Variants in PRKN observed in about 807,000 individuals in gnomAD.
The protein encoded by PRKN is parkin RBR E3 ubiquitin protein ligase, also known as E3 ubiquitin-protein ligase parkin.
PRKN carries 56 observed loss-of-function variants against 59.5 expected under a neutral mutation model. The observed-to-expected ratio is 0.94, with a 90% confidence interval of 0.76 to 1.18. The LOEUF is 1.18. PRKN is among the 50% of genes most tolerant of loss of function. The probability of loss-of-function intolerance (pLI) is 0.00; values close to 1 mark genes in which losing one functional copy is unlikely to be tolerated. For synonymous variants in PRKN, 250 were observed against 222.1 expected, an observed-to-expected ratio of 1.13 and a Z score of -1.12; for missense variants, 657 against 596.4, an observed-to-expected ratio of 1.10 and a Z score of -1.06.
intron 6 of PRKN, among the ~76,000 whole-genome samples, chr6:161,921,089 C>T (rs1437766667): frequency 6.6e-6 from 1 of 152,166 alleles, no homozygotes; most frequent in East Asian, 1.9e-4. Context: ...CATTGTACAG[C>T]CATATAAATA....
intron 2 of PRKN, among the ~76,000 whole-genome samples, chr6:162,393,690 A>T (rs1470034140): frequency 6.6e-6 from 1 of 152,224 alleles, no homozygotes; most frequent in Non-Finnish European, 1.5e-5. Context: ...TATTGTGGTA[A>T]GAGTAAATAA....
intron 6 of PRKN, among the ~76,000 whole-genome samples, chr6:161,879,760 C>T (rs565450768): frequency 1.9e-4 from 29 of 152,176 alleles, no homozygotes; most frequent in African/African-American, 6.5e-4. Flanking sequence ...TGAAACTTAT[C>T]GTTATAGAGT....
chr6:162,676,353 C>CAA lies in PRKN; in HGVS notation c.7+51307_7+51308dup, dbSNP rs113550545. ...TCCATACCCAATTTATTGGAAATATCAAAAAAAAAATAGCAGAGGTGAAAA... is the reference window on the plus strand; with the variant it reads ...TCCATACCCAATTTATTGGAAATATCAAAAAAAAAAAATAGCAGAGGTGAAAA... On this transcript the variant is annotated intron_variant, in intron 1 of 11. Coordinates refer to ENST00000366898, the MANE Select transcript of PRKN (RefSeq NM_004562.3). Among the ~76,000 whole-genome samples, 53 of 148,070 alleles carry CAA rather than the reference C, an allele frequency of 3.6e-4. No individual in the cohort carries two copies. The South Asian group carries it at 4.5e-3, about 12-fold the overall frequency.
At chr6:161,646,410 A>C in intron 7 of PRKN, among the ~76,000 whole-genome samples, 1 of 107,726 alleles carries the variant, frequency 9.3e-6, no homozygotes, top group African/African-American at 3.7e-5. Flanking sequence ...GAGGTGGCGT[A>C]TCAGTGACAG....
At chr6:162,228,275 T>C in intron 3 of PRKN, among the ~76,000 whole-genome samples, 1 of 152,158 alleles carries the variant, frequency 6.6e-6, no homozygotes, top group East Asian at 1.9e-4. Flanking sequence ...TCATAAGGGC[T>C]GTGGAATTGA....
intron 7 of PRKN, among the ~76,000 whole-genome samples, chr6:161,733,995 CACACACACACAT>C (rs1202733022): frequency 0.029 from 4,108 of 141,568 alleles, 198 homozygotes; most frequent in African/African-American, 0.11. Flanking sequence ...CACACACACA[CACACACACACAT>C]ATTTGCTAAT....
chr6:161,489,682 G>T (rs1264317894), intron 9 of PRKN, among the ~76,000 whole-genome samples: 14 of 151,818 alleles, frequency 9.2e-5, no homozygotes, highest in Admixed American at 9.2e-4. Flanking sequence ...TCTAATACAT[G>T]AATTATTTAT....
At chr6:162,135,909 T>C (rs1781544748) in intron 4 of PRKN, among the ~76,000 whole-genome samples, 1 of 152,070 alleles carries the variant, frequency 6.6e-6, no homozygotes, top group East Asian at 1.9e-4. Flanking sequence ...TATATTTACA[T>C]TCTACAAAAG....
chr6:161,738,127 T>A (rs1460736373), intron 7 of PRKN, among the ~76,000 whole-genome samples: 1 of 152,188 alleles, frequency 6.6e-6, no homozygotes, highest in Non-Finnish European at 1.5e-5. Flanking sequence ...GCAGATGATT[T>A]CCTCTTCTTT....
At chr6:162,430,406 C>T (rs2128162839) in intron 2 of PRKN, among the ~76,000 whole-genome samples, 1 of 152,272 alleles carries the variant, frequency 6.6e-6, no homozygotes, top group East Asian at 1.9e-4. Context: ...ACCCATGTGG[C>T]CCACCTCCTA....
chr6:161,709,011 G>A (rs1007131196), intron 7 of PRKN, among the ~76,000 whole-genome samples: 56 of 152,300 alleles, frequency 3.7e-4, no homozygotes, highest in African/African-American at 1.3e-3. Context: ...CACTTGAAAC[G>A]TGAATTTTAA....
chr6:162,151,073 A>G (rs2128313724), intron 4 of PRKN, among the ~76,000 whole-genome samples: 1 of 152,366 alleles, frequency 6.6e-6, no homozygotes, highest in Non-Finnish European at 1.5e-5. Context: ...CTAAATTAAG[A>G]AGAGAAAAAA....
rs142046836 is a variant in PRKN, at chr6:161,799,929, G to T, written c.735-14021C>A. On this transcript the variant is annotated intron_variant, in intron 6 of 11. Coordinates refer to ENST00000366898, the MANE Select transcript of PRKN (RefSeq NM_004562.3). ...GCATTTGTGAAGAATTAATCAGGGG[G>T]TTAGTGTTTTGGGGACACAGTTACC... Among the ~76,000 whole-genome samples the T allele has an allele frequency of 4.7e-3, 723 of 152,218 alleles. 4 individuals are homozygous for T. Among genetic ancestry groups the T allele is most frequent in the African/African-American group, 0.016 (669 of 41,518 alleles).
At chr6:161,882,500 C>T (rs1300829649) in intron 6 of PRKN, among the ~76,000 whole-genome samples, 1 of 152,144 alleles carries the variant, frequency 6.6e-6, no homozygotes, top group Non-Finnish European at 1.5e-5. Context: ...CATCCTCTGA[C>T]CATTCTAGTC....
At chr6:162,427,042 C>T (rs1272714776) in intron 2 of PRKN, among the ~76,000 whole-genome samples, 3 of 152,012 alleles carry the variant, frequency 2.0e-5, no homozygotes, top group Non-Finnish European at 2.9e-5. Flanking sequence ...AAAGTTTGGC[C>T]AAAGTATACT....
chr6:162,027,821 A>C (rs1368632205), intron 5 of PRKN, among the ~76,000 whole-genome samples: 1 of 151,840 alleles, frequency 6.6e-6, no homozygotes, highest in African/African-American at 2.4e-5. Context: ...ATGGTTGTGG[A>C]AAGTAGGGAG....
chr6:162,125,132 A>G (rs527851968), intron 4 of PRKN, among the ~76,000 whole-genome samples: 17 of 152,310 alleles, frequency 1.1e-4, no homozygotes, highest in Non-Finnish European at 2.1e-4. Flanking sequence ...TTCTGATTTA[A>G]TAAGAATGAC....
intron 6 of PRKN, among the ~76,000 whole-genome samples, chr6:161,874,755 A>ATAT (rs1794616745): frequency 8.9e-6 from 1 of 112,188 alleles, no homozygotes; most frequent in African/African-American, 4.6e-5. Context: ...AATATATAAT[A>ATAT]TATATAAAAT....
At chr6:162,400,375 A>G (rs1260315564) in intron 2 of PRKN, among the ~76,000 whole-genome samples, 4 of 151,036 alleles carry the variant, frequency 2.6e-5, no homozygotes, top group African/African-American at 9.7e-5. Flanking sequence ...TCTTCTGGAC[A>G]GCCAAGCAGA....
Sources: allele counts gnomAD v4.1 joint callset (sites outside exome capture counted in the v4.1 genomes callset), GRCh38; gene constraint gnomAD v4.1.1; transcripts MANE v1.5; gene names NCBI Gene and HGNC (gene_info 2026-07-23, HGNC 2026-07-21).